The following UHRF1 variants were observed in gnomAD, a reference collection of about 807,000 sequenced individuals.
The protein encoded by UHRF1 is ubiquitin like with PHD and ring finger domains 1.
In UHRF1, 9 loss-of-function variants were observed where a neutral mutation model predicts 96.5. The ratio of observed to expected loss-of-function variants is 0.09; its 90% CI spans 0.06 to 0.16. UHRF1 has a LOEUF of 0.16. Among genes scored for constraint, UHRF1 ranks in the 10% least tolerant of loss-of-function variants. The pLI is 1.00. For missense variants in UHRF1, 626 were observed against 1,131.1 expected, an observed-to-expected ratio of 0.55 and a Z score of 6.40; for synonymous variants, 455 against 469.9, an observed-to-expected ratio of 0.97 and a Z score of 0.41.
intron 7 of UHRF1, 23 bp downstream of exon 7, chr19:4,941,954 CG>C: frequency 1.4e-6 from 2 of 1,464,160 alleles, no homozygotes; most frequent in Non-Finnish European, 1.8e-6. Flanking sequence ...CTGCCCGCCG[CG>C]GGGAGACCAG....
At chr19:4,937,293 C>CT (rs11411657) in intron 5 of UHRF1, among the ~76,000 whole-genome samples, 39,470 of 125,372 alleles carry the variant, frequency 0.31, 6,677 homozygotes, top group Admixed American at 0.41. Flanking sequence ...AGATGGGCCA[C>CT]TTTTTTTTTT....
chr19:4,935,113 A>G (rs746443089), intron 5 of UHRF1, among the ~76,000 whole-genome samples: 4 of 152,020 alleles, frequency 2.6e-5, no homozygotes, highest in Non-Finnish European at 4.4e-5. Flanking sequence ...AGCTGGGACT[A>G]TAGGTGCCCA....
chr19:4,948,908 T>C (rs17881971), intron 11 of UHRF1, among the ~76,000 whole-genome samples: 15 of 145,052 alleles, frequency 1.0e-4, no homozygotes, highest in East Asian at 1.0e-3. Flanking sequence ...CGGATCACGA[T>C]GTCAGGAGAT....
chr19:4,906,038 G>A (rs1237244049), upstream of UHRF1, among the ~76,000 whole-genome samples: 2 of 152,166 alleles, frequency 1.3e-5, no homozygotes, highest in Non-Finnish European at 1.5e-5. Flanking sequence ...GTGCAGTGGC[G>A]CAAGCATGGC....
intron 5 of UHRF1, among the ~76,000 whole-genome samples, chr19:4,940,043 T>C (rs1599278302): frequency 6.7e-6 from 1 of 148,692 alleles, no homozygotes; most frequent in East Asian, 2.0e-4. Flanking sequence ...AAAAAACACA[T>C]GGGCTTTCAG....
At chr19:4,909,015 G>C (rs1253847703), upstream of UHRF1, among the ~76,000 whole-genome samples, 2 of 152,198 alleles carry the variant, frequency 1.3e-5, no homozygotes, top group Non-Finnish European at 2.9e-5. Flanking sequence ...GGGTAGAGTG[G>C]GGAGCCCTGG....
At chr19:4,929,802 AT>A (rs1568416129) in intron 3 of UHRF1, among the ~76,000 whole-genome samples, 2 of 151,186 alleles carry the variant, frequency 1.3e-5, no homozygotes, top group South Asian at 2.1e-4. Context: ...CAGCTTTTTT[AT>A]TTTTTTATTT....
chr19:4,926,427 G>T lies in UHRF1; in HGVS notation c.154-2795G>T, dbSNP rs190706304. ...CACTTCTAGCTGGGAGAACAGAGGGGCTGAAGCGGATATTGGTGGGCCCTC... is the reference window on the plus strand; with the variant it reads ...CACTTCTAGCTGGGAGAACAGAGGGTCTGAAGCGGATATTGGTGGGCCCTC... On this transcript the variant is annotated intron_variant, in intron 2 of 16. Coordinates refer to ENST00000650932, the MANE Select transcript of UHRF1 (RefSeq NM_001048201.3). 2.3e-3 allele frequency among the ~76,000 whole-genome samples: 346 copies of T among 152,350 alleles called. 1 individual carries two copies. The highest frequency in any genetic ancestry group is 8.0e-3 in the African/African-American group (331 of 41,588).
rs946341670 is a variant in UHRF1 at position 4,937,237 on chromosome 19, A to G, written c.785+4281A>G. 1.5e-4 allele frequency among the ~76,000 whole-genome samples: 23 copies of G among 150,032 alleles called. No individual in the cohort carries two copies. The South Asian group carries it at 3.6e-3, about 23-fold the overall frequency. On this transcript the variant is annotated intron_variant, in intron 5 of 16. Transcript: ENST00000650932. ...TACAGATTAATTGAAGTTACCGCAT[A>G]TCAGTAGCTCATTCCTTTTCATCCC... is the stretch of plus-strand genomic sequence containing the variant.
rs377429178 is a variant in UHRF1 at position 4,956,775 on chromosome 19, C to T, written c.2197C>T (p.Arg733Trp). The T allele has an allele frequency of 1.4e-5, 22 of 1,611,064 alleles. No individual in the cohort carries two copies. In the East Asian group the frequency reaches 3.1e-4, roughly 23 times the overall value. The stretch of plus-strand genomic sequence containing the variant: ...TATCTGCTGTCAGGAGCTGGTGTTC[C>T]GGCCCATCACGACCGTGTGCCAGCA... ...QCICCQELVF[R>W]PITTVCQHNV... The change falls in exon 16 of 17, where the codon CGG becomes TGG. Residue 733 changes from arginine (R) to tryptophan (W), a missense_variant. By Grantham distance (101) the Arg-to-Trp change is moderately radical. Transcript: ENST00000650932.
chr19:4,955,871 C>T (rs1176181744), intron 15 of UHRF1, among the ~76,000 whole-genome samples: 2 of 152,142 alleles, frequency 1.3e-5, no homozygotes, highest in African/African-American at 2.4e-5. Context: ...GGACAAAGGT[C>T]ACTGCCTCCT....
At chr19:4,909,101 C>T (rs2032142532), upstream of UHRF1, 1 of 183,806 alleles carries the variant, frequency 5.4e-6, no homozygotes, top group Non-Finnish European at 1.1e-5. Context: ...CCTAGGGGCC[C>T]CCCACATTCC....
chr19:4,904,323 C>CAT (rs2032017532), intron 1 of UHRF1, among the ~76,000 whole-genome samples: 1 of 152,128 alleles, frequency 6.6e-6, no homozygotes, highest in Non-Finnish European at 1.5e-5. Context: ...GGACTACAGG[C>CAT]GTCCGCCACA....
chr19:4,912,893 A>G (rs1044793364), intron 2 of UHRF1, among the ~76,000 whole-genome samples: 1 of 151,502 alleles, frequency 6.6e-6, no homozygotes, highest in Admixed American at 6.6e-5. Flanking sequence ...CCAAGTAGCT[A>G]GGACTATAGG....
upstream of UHRF1, among the ~76,000 whole-genome samples, chr19:4,905,105 T>C (rs575311377): frequency 1.6e-4 from 23 of 145,254 alleles, no homozygotes; most frequent in Non-Finnish European, 2.6e-4. Context: ...ATTCGTAAAC[T>C]TTCTTTTTTT....
intron 2 of UHRF1, among the ~76,000 whole-genome samples, chr19:4,911,711 C>T (rs181649787): frequency 3.3e-5 from 5 of 152,252 alleles, no homozygotes; most frequent in East Asian, 1.9e-4. Flanking sequence ...ACGTTTGGGG[C>T]GCTCCCTCCA....
Position 4,921,131 on chromosome 19 carries a change from A to C in UHRF1, c.154-8091A>C, listed in dbSNP as rs903736046. Among the ~76,000 whole-genome samples the C allele has an allele frequency of 2.2e-5, 3 of 134,102 alleles. No homozygotes were observed. The East Asian group carries it at 6.6e-4, about 29-fold the overall frequency. 88.0% of individuals were successfully genotyped at this position (134,102 alleles called of 152,430 possible). On this transcript the variant is annotated intron_variant, in intron 2 of 16. Transcript: ENST00000650932. The stretch of plus-strand genomic sequence containing the variant: ...GAGGGAGACTCCGTCTCAAAAAAGA[A>C]AAAAAAAGAAAGAAAATCGGCCAGG...
In UHRF1 at chr19:4,960,866, C is replaced by T; in HGVS notation, c.*63C>T. ...GTGTCGGAGGGCTCGTTCATCGGCACTGATTTTGTTCTTAGTGGGCTTAAC... is the reference window on the plus strand; with the variant it reads ...GTGTCGGAGGGCTCGTTCATCGGCATTGATTTTGTTCTTAGTGGGCTTAAC... On this transcript the variant is annotated 3_prime_UTR_variant, in exon 17 of 17. Transcript: ENST00000650932. 5.4e-6 allele frequency: 5 copies of T among 926,766 alleles called. No homozygotes were observed. Among genetic ancestry groups the T allele is most frequent in the Non-Finnish European group, 8.2e-6 (5 of 608,336 alleles). The allele number at this position is 926,766 out of a possible 1,614,324, so 57.4% of individuals were successfully genotyped here.
rs370844422 is a variant in UHRF1, at chr19:4,959,569, G to C, written c.2236-1088G>C. Among the ~76,000 whole-genome samples the C allele has an allele frequency of 1.0e-3, 159 of 152,338 alleles. 3 individuals are homozygous for C. The South Asian group carries it at 0.03, about 29-fold the overall frequency. Reference sequence around the variant, plus strand: ...TCTGCTTGGGAAGTGGAGACTCCAGGCCTCTCAGCTCTGTCTTCTCCTGGC... The same window carrying C: ...TCTGCTTGGGAAGTGGAGACTCCAGCCCTCTCAGCTCTGTCTTCTCCTGGC... On this transcript the variant is annotated intron_variant, in intron 16 of 16. Coordinates refer to ENST00000650932, the MANE Select transcript of UHRF1 (RefSeq NM_001048201.3).
Sources: gnomAD v4.1 joint callset for allele counts (sites outside exome capture counted in the v4.1 genomes callset) on GRCh38, gnomAD v4.1.1 for gene constraint, MANE v1.5 for transcripts, NCBI Gene and HGNC (gene_info 2026-07-23, HGNC 2026-07-21) for gene names.